Variants in MARCHF1 observed in about 807,000 individuals in gnomAD.
MARCHF1 encodes membrane associated ring-CH-type finger 1, also known as E3 ubiquitin-protein ligase MARCHF1.
A neutral mutation model predicts 54.2 loss-of-function variants in MARCHF1; 40 were observed. That is an observed-to-expected ratio of 0.74 (90% CI 0.57 to 0.96). The LOEUF is 0.96. MARCHF1 is among the 40% of genes least tolerant of loss of function. MARCHF1 has a pLI of 0.00. For synonymous variants in MARCHF1, 236 were observed against 236.3 expected (o/e 1.00, Z 0.01); for missense variants, 586 against 656.5 (o/e 0.89, Z 1.17).
chr4:163,700,924 C>T (rs1744793216), intron 4 of MARCHF1, 61 bp from the exon 5 acceptor site: 1 of 1,174,406 alleles, frequency 8.5e-7, no homozygotes, highest in Non-Finnish European at 1.2e-6. Flanking sequence ...CCATACTGTA[C>T]CACTGAGAAG....
chr4:164,072,489 A>G (rs1754889115), intron 2 of MARCHF1, among the ~76,000 whole-genome samples: 1 of 152,090 alleles, frequency 6.6e-6, no homozygotes, highest in Non-Finnish European at 1.5e-5. Context: ...TGAGCTCAGG[A>G]GTTTAAGGCT....
intron 2 of MARCHF1, among the ~76,000 whole-genome samples, chr4:164,007,342 T>C (rs1222265021): frequency 1.3e-4 from 6 of 46,924 alleles, no homozygotes; most frequent in African/African-American, 4.4e-4. Context: ...CGAGACTCCA[T>C]CTCAAAAAAA....
intron 2 of MARCHF1, among the ~76,000 whole-genome samples, chr4:164,015,565 G>C (rs1753522146): frequency 6.6e-6 from 1 of 151,656 alleles, no homozygotes; most frequent in Non-Finnish European, 1.5e-5. Context: ...ATCTAACAAG[G>C]GATTAACATC....
chr4:163,714,100 A>T (rs930051368), intron 4 of MARCHF1, among the ~76,000 whole-genome samples: 11 of 152,298 alleles, frequency 7.2e-5, no homozygotes, highest in African/African-American at 2.6e-4. Flanking sequence ...TTATTCTTTC[A>T]CTGGGTTTTT....
chr4:164,124,129 T>A lies in MARCHF1; in HGVS notation c.-322-12467A>T, dbSNP rs989394536. 3.4e-5 allele frequency among the ~76,000 whole-genome samples: 5 copies of A among 146,404 alleles called. 1 individual carries two copies. Among genetic ancestry groups the A allele is most frequent in the South Asian group, 2.1e-4 (1 of 4,818 alleles). ...TATTTCTCAAAAGAAGACATACAGA[T>A]GACAAACAGGCATATGAAAAAGCGC... On this transcript the variant is annotated intron_variant, in intron 1 of 9. Transcript: ENST00000514618.
chr4:164,110,906 A>C (rs1024943511), intron 2 of MARCHF1, among the ~76,000 whole-genome samples: 1 of 151,684 alleles, frequency 6.6e-6, no homozygotes, highest in African/African-American at 2.4e-5. Flanking sequence ...CAAAATTTCA[A>C]CTTTGAGATA....
intron 1 of MARCHF1, chr4:164,383,318 AC>A (rs1331824117): frequency 6.6e-6 from 1 of 152,310 alleles, no homozygotes; most frequent in Non-Finnish European, 1.5e-5. Flanking sequence ...GTTGCAGTGA[AC>A]CCGACTCAGG....
At chr4:164,280,006 C>T (rs1733987160) in intron 1 of MARCHF1, among the ~76,000 whole-genome samples, 1 of 151,598 alleles carries the variant, frequency 6.6e-6, no homozygotes, top group Non-Finnish European at 1.5e-5. Context: ...AATATTTTAT[C>T]ACATCAAAAA....
intron 2 of MARCHF1, among the ~76,000 whole-genome samples, chr4:164,099,004 A>T (rs1278617077): frequency 6.6e-6 from 1 of 152,208 alleles, no homozygotes. Flanking sequence ...ATTATTTCAC[A>T]TATAGTTAAT....
intron 2 of MARCHF1, among the ~76,000 whole-genome samples, chr4:164,086,375 A>G (rs564348273): frequency 1.6e-4 from 25 of 152,130 alleles, no homozygotes; most frequent in African/African-American, 6.0e-4. Context: ...TTTCAAAAAT[A>G]TAAAACCATT....
At chr4:164,364,920 A>C (rs569978213) in intron 1 of MARCHF1, among the ~76,000 whole-genome samples, 1 of 152,154 alleles carries the variant, frequency 6.6e-6, no homozygotes, top group African/African-American at 2.4e-5. Context: ...TAACACACAA[A>C]ATATTCAATA....
intron 1 of MARCHF1, among the ~76,000 whole-genome samples, chr4:164,214,981 G>T (rs2111130478): frequency 6.6e-6 from 1 of 152,328 alleles, no homozygotes; most frequent in African/African-American, 2.4e-5. Context: ...CCCCACGGCA[G>T]TGTCTAGGGG....
At chr4:163,719,668 T>C (rs1485717950) in intron 4 of MARCHF1, among the ~76,000 whole-genome samples, 5 of 151,618 alleles carry the variant, frequency 3.3e-5, no homozygotes, top group Non-Finnish European at 5.9e-5. Flanking sequence ...GTGTTCCTAT[T>C]TCTCCATATC....
intron 3 of MARCHF1, among the ~76,000 whole-genome samples, chr4:163,871,620 T>C (rs1333566925): frequency 6.6e-6 from 1 of 152,138 alleles, no homozygotes; most frequent in Non-Finnish European, 1.5e-5. Flanking sequence ...AATAAATACA[T>C]CGCATTTTAT....
intron 1 of MARCHF1, among the ~76,000 whole-genome samples, chr4:164,122,009 T>A (rs1756077260): frequency 6.6e-6 from 1 of 152,110 alleles, no homozygotes; most frequent in South Asian, 2.1e-4. Flanking sequence ...CCAAGTGGGA[T>A]TTATCCCAGG....
chr4:163,937,790 T>C (rs1464482916), intron 3 of MARCHF1, among the ~76,000 whole-genome samples: 2 of 152,182 alleles, frequency 1.3e-5, no homozygotes, highest in Non-Finnish European at 2.9e-5. Context: ...TTGTGTCTTC[T>C]GCTGAAAGCA....
intron 1 of MARCHF1, chr4:164,197,786 C>T: frequency 6.3e-7 from 1 of 1,599,092 alleles, no homozygotes; most frequent in East Asian, 2.2e-5. Context: ...CACGGCCGCA[C>T]GTTTTAGGAC....
chr4:164,245,527 T>A (rs1457105020), intron 1 of MARCHF1, among the ~76,000 whole-genome samples: 2 of 151,790 alleles, frequency 1.3e-5, no homozygotes, highest in African/African-American at 2.4e-5. Context: ...GCATTCCCTT[T>A]GAAAACTGGC....
intron 3 of MARCHF1, among the ~76,000 whole-genome samples, chr4:163,951,170 A>G (rs1161191534): frequency 1.3e-5 from 2 of 152,214 alleles, no homozygotes; most frequent in African/African-American, 4.8e-5. Flanking sequence ...TGGAGGGAAA[A>G]AGATTTACTA....
Sources: allele counts gnomAD v4.1 joint callset (sites outside exome capture counted in the v4.1 genomes callset), GRCh38; gene constraint gnomAD v4.1.1; transcripts MANE v1.5; gene names NCBI Gene and HGNC (gene_info 2026-07-23, HGNC 2026-07-21).